RGL1: variants seen among roughly 807,000 people sequenced by gnomAD.
RGL1 encodes the protein ral guanine nucleotide dissociation stimulator like 1.
RGL1 carries 24 observed loss-of-function variants against 95.2 expected under a neutral mutation model. The ratio of observed to expected loss-of-function variants is 0.25; its 90% CI spans 0.18 to 0.35. The LOEUF is 0.35. RGL1 is among the 10% of genes least tolerant of loss of function. RGL1 has a pLI of 1.00. For missense variants in RGL1, 715 were observed against 936.3 expected, an observed-to-expected ratio of 0.76 and a Z score of 3.08; for synonymous variants, 329 against 344.9, an observed-to-expected ratio of 0.95 and a Z score of 0.51.
chr1:183,659,328 A>G (rs1467755738), intron 1 of RGL1, among the ~76,000 whole-genome samples: 2 of 152,232 alleles, frequency 1.3e-5, no homozygotes, highest in East Asian at 1.9e-4. Context: ...AGACTAATGT[A>G]TAACTAGAAT....
In RGL1 at chr1:183,827,486, G is replaced by A. The variant is rs190129588; in HGVS notation, c.139-20080G>A. ...GTTGCTTTATTGTAGGACGTCAGTG[G>A]CCTGTTTGTTACTCTCATGTCTTTT... On this transcript the variant is annotated intron_variant, in intron 2 of 17. Transcript: ENST00000360851. 1.5e-4 allele frequency among the ~76,000 whole-genome samples: 23 copies of A among 152,316 alleles called. No homozygotes were observed. The East Asian group carries it at 4.2e-3, about 28-fold the overall frequency.
intron 2 of RGL1, among the ~76,000 whole-genome samples, chr1:183,835,998 T>G (rs889586101): frequency 6.6e-6 from 1 of 152,220 alleles, no homozygotes; most frequent in African/African-American, 2.4e-5. Context: ...CTTGCTTTAA[T>G]GCCTATGCTA....
intron 4 of RGL1, among the ~76,000 whole-genome samples, chr1:183,878,851 A>G (rs373974288): frequency 6.6e-6 from 1 of 152,204 alleles, no homozygotes; most frequent in African/African-American, 2.4e-5. Context: ...TCACCTCTCC[A>G]TATCTGTTTT....
chr1:183,834,972 C>T (rs138038763), intron 2 of RGL1, among the ~76,000 whole-genome samples: 3,087 of 152,248 alleles, frequency 0.02, 45 homozygotes, highest in Non-Finnish European at 0.03. Context: ...CATCAGCCAC[C>T]ATGCCTGGCC....
At chr1:183,916,915 A>T (rs1669015197) in intron 16 of RGL1, among the ~76,000 whole-genome samples, 1 of 152,202 alleles carries the variant, frequency 6.6e-6, no homozygotes, top group African/African-American at 2.4e-5. Flanking sequence ...ATATATATGC[A>T]CACACATGGT....
intron 17 of RGL1, among the ~76,000 whole-genome samples, chr1:183,924,743 A>C (rs1397407315): frequency 6.6e-6 from 1 of 151,404 alleles, no homozygotes; most frequent in Non-Finnish European, 1.5e-5. Flanking sequence ...TCAGGAGTTC[A>C]AGACCAGCCT....
At chr1:183,661,042 G>A (rs1179152427) in intron 1 of RGL1, among the ~76,000 whole-genome samples, 2 of 151,826 alleles carry the variant, frequency 1.3e-5, no homozygotes, top group Non-Finnish European at 2.9e-5. Flanking sequence ...AGAATCTCTG[G>A]GACACATTCA....
intron 16 of RGL1, among the ~76,000 whole-genome samples, chr1:183,921,897 T>C (rs536362116): frequency 6.6e-6 from 1 of 152,310 alleles, no homozygotes; most frequent in African/African-American, 2.4e-5. Flanking sequence ...ATGCTTTGCA[T>C]TTTTCACAAT....
At chr1:183,908,624 A>G (rs1237816248) in intron 14 of RGL1, among the ~76,000 whole-genome samples, 1 of 152,134 alleles carries the variant, frequency 6.6e-6, no homozygotes, top group Non-Finnish European at 1.5e-5. Context: ...GAGGGGCCTG[A>G]CCAAGCCTTG....
intron 1 of RGL1, among the ~76,000 whole-genome samples, chr1:183,660,025 C>A (rs916547846): frequency 6.6e-5 from 10 of 151,922 alleles, no homozygotes; most frequent in African/African-American, 2.4e-4. Context: ...TTTGTCACCA[C>A]CAGGCCTGCC....
At chr1:183,776,645 C>T (rs1049756019) in intron 2 of RGL1, among the ~76,000 whole-genome samples, 21 of 151,944 alleles carry the variant, frequency 1.4e-4, no homozygotes, top group Non-Finnish European at 2.5e-4. Flanking sequence ...GGGGAGTGTC[C>T]CATGGACAAG....
intron 2 of RGL1, among the ~76,000 whole-genome samples, chr1:183,812,291 T>C (rs1266413285): frequency 6.6e-6 from 1 of 152,246 alleles, no homozygotes; most frequent in African/African-American, 2.4e-5. Flanking sequence ...CAGCTCTGTG[T>C]CTGGGTTGCC....
At chr1:183,742,428 G>A (rs1657370062) in intron 2 of RGL1, 1 of 910,194 alleles carries the variant, frequency 1.1e-6, no homozygotes, top group African/African-American at 1.7e-5. Context: ...CATGACTGGA[G>A]AACAAGTAAG....
rs569586333 is a variant in RGL1, at chr1:183,905,557, G to A, written c.1472+586G>A. Among the ~76,000 whole-genome samples the A allele has an allele frequency of 7.8e-4, 119 of 152,308 alleles. 1 individual carries two copies. Among genetic ancestry groups the A allele is most frequent in the African/African-American group, 2.7e-3 (112 of 41,576 alleles). On this transcript the variant is annotated intron_variant, in intron 13 of 17. Transcript: ENST00000360851. ...GAACCGGAAGAGAACATTCCAGACC[G>A]AGAGAGAACACAAGCAAAAGCTTGG... is the stretch of plus-strand genomic sequence containing the variant.
intron 1 of RGL1, among the ~76,000 whole-genome samples, chr1:183,713,048 C>T (rs1297420305): frequency 6.6e-6 from 1 of 151,952 alleles, no homozygotes; most frequent in African/African-American, 2.4e-5. Flanking sequence ...TGTTTTGAGA[C>T]AGAGTCTCCC....
At chr1:183,843,500 G>A (rs1198937021) in intron 2 of RGL1, among the ~76,000 whole-genome samples, 1 of 152,208 alleles carries the variant, frequency 6.6e-6, no homozygotes, top group African/African-American at 2.4e-5. Context: ...TCTGCTTTCT[G>A]GCAGGAAATG....
intron 1 of RGL1, among the ~76,000 whole-genome samples, chr1:183,688,221 T>A (rs1473990829): frequency 6.6e-6 from 1 of 152,188 alleles, no homozygotes; most frequent in Admixed American, 6.5e-5. Context: ...TTCAACTTTG[T>A]GGTCCCAGAA....
At chr1:183,855,331 A>G (rs1665068463) in intron 3 of RGL1, among the ~76,000 whole-genome samples, 1 of 152,238 alleles carries the variant, frequency 6.6e-6, no homozygotes, top group Non-Finnish European at 1.5e-5. Context: ...CCCATTGCAC[A>G]CATCCATTCA....
chr1:183,740,139 A>C (rs969571615), intron 1 of RGL1, among the ~76,000 whole-genome samples: 1 of 151,992 alleles, frequency 6.6e-6, no homozygotes, highest in Non-Finnish European at 1.5e-5. Flanking sequence ...GCCTGTTTCC[A>C]TTTTGCCTGT....
Sources: gnomAD v4.1 joint callset for allele counts (sites outside exome capture counted in the v4.1 genomes callset) on GRCh38, gnomAD v4.1.1 for gene constraint, MANE v1.5 for transcripts, NCBI Gene and HGNC (gene_info 2026-07-23, HGNC 2026-07-21) for gene names.